Variants in SMOX observed in about 807,000 individuals in gnomAD.
SMOX encodes the protein spermine oxidase.
In SMOX, 22 loss-of-function variants were observed where a neutral mutation model predicts 51.0. The ratio of observed to expected loss-of-function variants is 0.43; its 90% CI spans 0.31 to 0.62. SMOX has a LOEUF of 0.62. Ranked by LOEUF, SMOX falls within the 20% of genes least tolerant of loss-of-function variation. SMOX has a pLI of 0.10. For missense variants in SMOX, 566 were observed against 777.7 expected (o/e 0.73, Z 3.24); for synonymous variants, 282 against 307.8 (o/e 0.92, Z 0.88).
chr20:4,158,221 C>T (rs1021668123), intron 1 of SMOX, among the ~76,000 whole-genome samples: 3 of 152,158 alleles, frequency 2.0e-5, no homozygotes, highest in African/African-American at 4.8e-5. Flanking sequence ...TTTAAATACC[C>T]AGGAGGAGCT....
intron 1 of SMOX, among the ~76,000 whole-genome samples, chr20:4,154,173 G>C (rs1415800103): frequency 6.6e-6 from 1 of 152,192 alleles, no homozygotes; most frequent in East Asian, 1.9e-4. Context: ...AAGCTGCTGA[G>C]TCTGGCCTTG....
In SMOX at chr20:4,175,235, C is replaced by A. The variant is rs1045674775; in HGVS notation, c.180C>A (p.Ile60=). Residue 60 remains isoleucine (I), a synonymous_variant, in exon 2 of 7, where the codon ATC becomes ATA. Coordinates refer to ENST00000305958, the MANE Select transcript of SMOX (RefSeq NM_175839.3). ...DVTVLEASSH[I]GGRVQSVKLG... ...CTGTGCTTGAGGCTTCCAGCCACAT[C>A]GGAGGCCGTGTGCAGAGTGTGAAAC... The A allele has an allele frequency of 2.5e-6, 4 of 1,614,054 alleles. No homozygotes were observed. Among genetic ancestry groups the A allele is most frequent in the Non-Finnish European group, 3.4e-6 (4 of 1,180,044 alleles).
intron 1 of SMOX, among the ~76,000 whole-genome samples, chr20:4,160,275 G>A (rs189213713): frequency 4.9e-4 from 74 of 152,342 alleles, no homozygotes; most frequent in African/African-American, 1.7e-3. Context: ...CAGGCCTTGA[G>A]ATGACTCCTG....
chr20:4,172,982 G>T lies in SMOX; in HGVS notation c.-26-2048G>T, dbSNP rs1978536177. On this transcript the variant is annotated intron_variant, in intron 1 of 6. Transcript: ENST00000305958. This position sits in a 1 kb window ranked among gnomAD's most constrained non-coding sequence, Gnocchi z 7.7. ...GTTAAGGACGCTGCGGTTCCAAGTG[G>T]GATAGAAACCTCAGTGGTCAGACCC... is the stretch of plus-strand genomic sequence containing the variant. 6.6e-6 allele frequency among the ~76,000 whole-genome samples: 1 copy of T among 152,182 alleles called. No individual in the cohort carries two copies. The highest frequency in any genetic ancestry group is 1.5e-5 in the Non-Finnish European group (1 of 68,012).
In SMOX at chr20:4,183,673, G is replaced by T. The variant is rs559303466; in HGVS notation, c.1530+19G>T. On this transcript the variant is annotated intron_variant, in intron 6 of 6. Transcript: ENST00000305958. This position sits in a 1 kb window ranked among gnomAD's most constrained non-coding sequence, Gnocchi z 4.3. ...GACAGCGGTAAGCGGGGCGTTTGGG[G>T]TGAGGAGGGGAGTTGTGGGTGTATT... The T allele has an allele frequency of 1.2e-4, 190 of 1,548,188 alleles. 2 individuals are homozygous for T. In the South Asian group the frequency reaches 2.3e-3, roughly 19 times the overall value.
chr20:4,156,870 G>A (rs1392353244), intron 1 of SMOX, among the ~76,000 whole-genome samples: 1 of 152,152 alleles, frequency 6.6e-6, no homozygotes, highest in Non-Finnish European at 1.5e-5. Flanking sequence ...AGCCTCCCGA[G>A]TAGCTGGGAT....
In SMOX at chr20:4,181,861, A is replaced by G; in HGVS notation, c.494A>G (p.Gln165Arg). 6.2e-7 allele frequency: 1 copy of G among 1,614,128 alleles called. No homozygotes were observed. The change falls in exon 4 of 7, where the codon CAA becomes CGA. Residue 165 changes from glutamine to arginine, a missense_variant. Gln to Arg is a conservative substitution (Grantham distance 43). Coordinates refer to ENST00000305958, the MANE Select transcript of SMOX (RefSeq NM_175839.3). The surrounding 1 kb of genome is among the most constrained non-coding windows in gnomAD (Gnocchi z 5.6). ...RHDKPVNAESQNSVGVFTREE... is the reference protein window; with the variant it reads ...RHDKPVNAESRNSVGVFTREE... ...GATAAACCAGTCAATGCTGAAAGTCAAAATAGCGTGGGGGTGTTCACCCGA... is the reference window on the plus strand; with the variant it reads ...GATAAACCAGTCAATGCTGAAAGTCGAAATAGCGTGGGGGTGTTCACCCGA...
In SMOX at chr20:4,179,898, C is replaced by T. The variant is rs116968755; in HGVS notation, c.436-1905C>T. Among the ~76,000 whole-genome samples, 1,020 of 152,240 alleles carry T rather than the reference C, an allele frequency of 6.7e-3. 3 individuals carry two copies. Among genetic ancestry groups the T allele is most frequent in the South Asian group, 0.013 (61 of 4,818 alleles). On this transcript the variant is annotated intron_variant, in intron 3 of 6. Transcript: ENST00000305958. ...TCCTTGGGTCACATTGGGAAGGTGT[C>T]GAATAACCCAGGAGAGGAGACTGTG... is the stretch of plus-strand genomic sequence containing the variant.
At chr20:4,160,938 C>T (rs553736322) in intron 1 of SMOX, among the ~76,000 whole-genome samples, 15 of 152,210 alleles carry the variant, frequency 9.9e-5, no homozygotes, top group Non-Finnish European at 2.2e-4. Context: ...GACCCCACCC[C>T]CTCCCCGGGG....
At chr20:4,150,687 C>A (rs1985695627) in intron 1 of SMOX, among the ~76,000 whole-genome samples, 1 of 152,148 alleles carries the variant, frequency 6.6e-6, no homozygotes, top group Non-Finnish European at 1.5e-5. Context: ...TTACCTCCAG[C>A]CCCAGCCTCT....
chr20:4,181,788 G>T lies in SMOX; in HGVS notation c.436-15G>T, dbSNP rs745831867. 15 of 1,612,278 alleles carry T rather than the reference G, an allele frequency of 9.3e-6. No homozygotes were observed. The South Asian group carries it at 1.4e-4, about 15-fold the overall frequency. ...GTGATGAGGTGTTTTCAGTCTCATG[G>T]GGTCTCTCTGGCAGGTCTATAACTT... On this transcript the variant is annotated splice_polypyrimidine_tract_variant and intron_variant, in intron 3 of 6. Transcript: ENST00000305958. This position sits in a 1 kb window ranked among gnomAD's most constrained non-coding sequence, Gnocchi z 5.6.
At chr20:4,160,729 A>G (rs1986269012) in intron 1 of SMOX, among the ~76,000 whole-genome samples, 3 of 152,124 alleles carry the variant, frequency 2.0e-5, no homozygotes, top group Admixed American at 2.0e-4. Flanking sequence ...ACACCATAAG[A>G]GAGGTATTTG....
At chr20:4,164,068 C>T (rs1986449224) in intron 1 of SMOX, among the ~76,000 whole-genome samples, 1 of 152,068 alleles carries the variant, frequency 6.6e-6, no homozygotes, top group African/African-American at 2.4e-5. Flanking sequence ...CCTGGGAGCT[C>T]CAAGCACCCC....
chr20:4,152,320 T>A (rs1011711246), intron 1 of SMOX, among the ~76,000 whole-genome samples: 2 of 152,008 alleles, frequency 1.3e-5, no homozygotes, highest in African/African-American at 4.8e-5. Flanking sequence ...CCCACTCTCT[T>A]GGGTGACTGC....
intron 1 of SMOX, among the ~76,000 whole-genome samples, chr20:4,171,345 C>G (rs1291446217): frequency 6.6e-6 from 1 of 152,150 alleles, no homozygotes; most frequent in Admixed American, 6.5e-5. Context: ...AACAAGTTGC[C>G]CCTTAGTGCC....
chr20:4,186,661 T>C (rs1456649969), intron 6 of SMOX: 12 of 745,568 alleles, frequency 1.6e-5, no homozygotes, highest in Non-Finnish European at 1.7e-5. Context: ...TTTTCTGGGC[T>C]TTCGGCGCCT....
In SMOX at chr20:4,187,120, G is replaced by A; in HGVS notation, c.1531-150G>A. On this transcript the variant is annotated intron_variant, in intron 6 of 6. Coordinates refer to ENST00000305958, the MANE Select transcript of SMOX (RefSeq NM_175839.3). The surrounding 1 kb of genome is among the most constrained non-coding windows in gnomAD (Gnocchi z 4.8). Reference sequence around the variant, plus strand: ...GGAAAGTGGCCAGATAGGATGGGCAGCTCTTCATCCTGTGGAAGCAGCAGC... The same window carrying A: ...GGAAAGTGGCCAGATAGGATGGGCAACTCTTCATCCTGTGGAAGCAGCAGC... 1 of 1,047,632 alleles carries A rather than the reference G, an allele frequency of 9.5e-7. No individual in the cohort carries two copies. Among genetic ancestry groups the A allele is most frequent in the Non-Finnish European group, 1.3e-6 (1 of 742,564 alleles). The allele number at this position is 1,047,632 out of a possible 1,614,324, so 64.9% of individuals were successfully genotyped here. A position where few individuals can be genotyped will look rare whatever the true frequency, so the allele number is the denominator to read the frequency against.
intron 1 of SMOX, among the ~76,000 whole-genome samples, chr20:4,162,771 C>T (rs1479308877): frequency 6.6e-6 from 1 of 152,210 alleles, no homozygotes; most frequent in Admixed American, 6.5e-5. Flanking sequence ...TCCCATTTTG[C>T]GGATGAGGAA....
rs1985869151 is a variant in SMOX, at chr20:4,153,672, G to A, written c.-27+4695G>A. ...GCCAGCCTCCTAGGAAGAGAGGGAG[G>A]CAGGGTTAGTGGAAACTGAGGCACA... On this transcript the variant is annotated intron_variant, in intron 1 of 6. Coordinates refer to ENST00000305958, the MANE Select transcript of SMOX (RefSeq NM_175839.3). This position sits in a 1 kb window ranked among gnomAD's most constrained non-coding sequence, Gnocchi z 4.4. Among the ~76,000 whole-genome samples the A allele has an allele frequency of 6.6e-6, 1 of 152,180 alleles. No homozygotes were observed. The highest frequency in any genetic ancestry group is 1.5e-5 in the Non-Finnish European group (1 of 68,026).
Sources: gnomAD v4.1 joint callset for allele counts (sites outside exome capture counted in the v4.1 genomes callset) on GRCh38, gnomAD v4.1.1 for gene constraint, Gnocchi (gnomAD v3.1) non-coding constraint, MANE v1.5 for transcripts, NCBI Gene and HGNC (gene_info 2026-07-23, HGNC 2026-07-21) for gene names.